Variants in IL22RA2 observed in about 807,000 individuals in gnomAD.
IL22RA2 encodes interleukin-22 receptor subunit alpha-2.
A neutral mutation model predicts 30.7 loss-of-function variants in IL22RA2; 39 were observed. The ratio of observed to expected loss-of-function variants is 1.27; its 90% CI spans 0.98 to 1.66. IL22RA2 has a LOEUF of 1.66. Ranked by LOEUF, IL22RA2 falls within the 40% of genes most tolerant of loss-of-function variation. The pLI is 0.00. For synonymous variants in IL22RA2, 103 were observed against 105.0 expected (o/e 0.98, Z 0.11); for missense variants, 315 against 312.7 (o/e 1.01, Z -0.05).
At chr6:137,158,212 C>A in intron 3 of IL22RA2, 135 bp downstream of exon 3, 1 of 1,017,688 alleles carries the variant, frequency 9.8e-7, no homozygotes, top group Non-Finnish European at 1.5e-6. Context: ...AGACAAGTCA[C>A]TGTTATCCTG....
At chr6:137,168,105 T>C (rs775618448) in intron 1 of IL22RA2, among the ~76,000 whole-genome samples, 2 of 152,186 alleles carry the variant, frequency 1.3e-5, no homozygotes, top group Non-Finnish European at 2.9e-5. Flanking sequence ...CACTTTCACC[T>C]ATGGTTATAA....
intron 1 of IL22RA2, among the ~76,000 whole-genome samples, chr6:137,169,604 G>A (rs577914958): frequency 6.6e-5 from 10 of 152,318 alleles, no homozygotes; most frequent in African/African-American, 2.4e-4. Context: ...GAAATAGGGG[G>A]CTGGAAAGAT....
chr6:137,169,461 G>A (rs1057000011), intron 1 of IL22RA2, among the ~76,000 whole-genome samples: 3 of 152,106 alleles, frequency 2.0e-5, no homozygotes, highest in African/African-American at 7.2e-5. Context: ...CATTCTTTTT[G>A]CTACTCCCCC....
At chr6:137,145,973 T>G (rs1778171274) in intron 6 of IL22RA2, among the ~76,000 whole-genome samples, 200 bp from the exon 7 acceptor site, 1 of 152,220 alleles carries the variant, frequency 6.6e-6, no homozygotes, top group Non-Finnish European at 1.5e-5. Flanking sequence ...TAGGTGCAAC[T>G]TGACTTCTCC....
chr6:137,165,004 G>C (rs1414127850), intron 1 of IL22RA2, among the ~76,000 whole-genome samples: 1 of 152,126 alleles, frequency 6.6e-6, no homozygotes, highest in Non-Finnish European at 1.5e-5. Flanking sequence ...GAGCACCGTA[G>C]AGTTATACAA....
intron 5 of IL22RA2, 24 bp from the exon 6 acceptor site, chr6:137,147,915 G>T: frequency 1.3e-6 from 2 of 1,586,284 alleles, no homozygotes; most frequent in South Asian, 2.2e-5. Flanking sequence ...ATAAAAATTT[G>T]ACAAATCATC....
intron 2 of IL22RA2, 109 bp downstream of exon 2, chr6:137,161,580 G>T: frequency 1.2e-6 from 1 of 827,060 alleles, no homozygotes; most frequent in Non-Finnish European, 2.0e-6. Flanking sequence ...GACATCAAAA[G>T]CTGCAGCCTT....
intron 1 of IL22RA2, among the ~76,000 whole-genome samples, chr6:137,163,738 C>T (rs916013639): frequency 3.9e-5 from 6 of 152,172 alleles, no homozygotes; most frequent in East Asian, 1.9e-4. Flanking sequence ...GAAACTCACA[C>T]CCTAATTGAC....
intron 5 of IL22RA2, among the ~76,000 whole-genome samples, chr6:137,148,710 T>A (rs1022058613): frequency 6.6e-6 from 1 of 152,196 alleles, no homozygotes; most frequent in Non-Finnish European, 1.5e-5. Flanking sequence ...AGTTTCCTAC[T>A]CCCAGGCTAT....
chr6:137,165,203 A>G (rs1778604135), intron 1 of IL22RA2, among the ~76,000 whole-genome samples: 1 of 152,192 alleles, frequency 6.6e-6, no homozygotes, highest in Non-Finnish European at 1.5e-5. Flanking sequence ...AAAGGCCACC[A>G]ATATCGGAAA....
intron 2 of IL22RA2, among the ~76,000 whole-genome samples, chr6:137,160,436 G>A (rs1426871690): frequency 2.6e-5 from 4 of 152,194 alleles, no homozygotes; most frequent in African/African-American, 9.7e-5. Context: ...GCAGCCAATG[G>A]TGAAGCTGAT....
At chr6:137,154,700 C>G (rs1220575024) in intron 5 of IL22RA2, among the ~76,000 whole-genome samples, 1 of 152,016 alleles carries the variant, frequency 6.6e-6, no homozygotes, top group South Asian at 2.1e-4. Flanking sequence ...AAATTTGAAC[C>G]CTGACTTGGA....
intron 1 of IL22RA2, among the ~76,000 whole-genome samples, chr6:137,165,181 C>T (rs1347781218): frequency 3.9e-5 from 6 of 152,072 alleles, no homozygotes; most frequent in African/African-American, 1.2e-4. Flanking sequence ...ATGGAATAAA[C>T]GCTGGAGAGA....
Position 137,145,674 on chromosome 6 carries a change from AC to A in IL22RA2, c.741del (p.Met247IlefsTer2), listed in dbSNP as rs1778163481. 2 of 1,613,378 alleles carry A rather than the reference AC, an allele frequency of 1.2e-6. No individual in the cohort carries two copies. Among genetic ancestry groups the A allele is most frequent in the African/African-American group, 1.3e-5 (1 of 74,936 alleles). On this transcript the variant is annotated frameshift_variant, in exon 7 of 7. Coordinates refer to ENST00000296980, the MANE Select transcript of IL22RA2 (RefSeq NM_052962.3). LOFTEE classifies it high-confidence loss of function. ...YCVVAEIYQP[M>X]LDRRSQRSEE... ...TCACTTCTCTGACTTCTTCTGTCTAACATGGGCTGATATATTTCAGCCACTA... is the reference window on the plus strand; with the variant it reads ...TCACTTCTCTGACTTCTTCTGTCTAAATGGGCTGATATATTTCAGCCACTA...
In IL22RA2 at chr6:137,145,767, T is replaced by G. The variant is rs766256085; in HGVS notation, c.649A>C (p.Lys217Gln). The G allele has an allele frequency of 1.2e-6, 2 of 1,613,770 alleles. No individual in the cohort carries two copies. Among genetic ancestry groups the G allele is most frequent in the African/African-American group, 1.3e-5 (1 of 74,908 alleles). Reference sequence around the variant, plus strand: ...GCTCTGTGAGCCCCTTCATAAACCTTTTGCTCCTACACACGAGAGAGAAAA... The same window carrying G: ...GCTCTGTGAGCCCCTTCATAAACCTGTTGCTCCTACACACGAGAGAGAAAA... ...IINNSLEKEQ[K>Q]VYEGAHRAVE... is the part of the protein sequence containing the mutation. Residue 217 changes from lysine (K) to glutamine (Q), a missense_variant, in exon 7 of 7, where the codon AAG becomes CAG. Transcript: ENST00000296980.
intron 2 of IL22RA2, among the ~76,000 whole-genome samples, chr6:137,160,708 G>A (rs1778504261): frequency 1.3e-5 from 2 of 152,142 alleles, no homozygotes; most frequent in South Asian, 4.1e-4. Flanking sequence ...ACCAAGTAAG[G>A]TAAATATTTT....
In IL22RA2 at chr6:137,144,092, C is replaced by G. The variant is rs992406232; in HGVS notation, c.*1532G>C. The G allele has an allele frequency of 7.2e-5, 11 of 152,340 alleles. No individual in the cohort carries two copies. The highest frequency in any genetic ancestry group is 1.5e-4 in the Non-Finnish European group (10 of 68,028). The allele number at this position is 152,340 out of a possible 1,614,324, so 9.4% of individuals were successfully genotyped here. A position where few individuals can be genotyped will look rare whatever the true frequency, so the allele number is the denominator to read the frequency against. ...TTTGAAATTTTACTTACTCGCCACC[C>G]ACCCCACTACTCTTAATTCATCGCC... On this transcript the variant is annotated 3_prime_UTR_variant, in exon 7 of 7. Transcript: ENST00000296980.
At position 137,152,142 on chromosome 6, in the gene IL22RA2, G is replaced by T. The variant is rs1240283366; in HGVS notation, c.472+2799C>A. On this transcript the variant is annotated intron_variant, in intron 5 of 6. Transcript: ENST00000296980. ...GTGGAAGGATTGCTGGAGCCCAGGG[G>T]TTCAAGACTGAAGTGAGCTATGTTT... Among the ~76,000 whole-genome samples, 3 of 151,962 alleles carry T rather than the reference G, an allele frequency of 2.0e-5. No homozygotes were observed. In the South Asian group the frequency reaches 6.2e-4, roughly 32 times the overall value.
intron 2 of IL22RA2, among the ~76,000 whole-genome samples, chr6:137,161,437 A>G (rs1241530972): frequency 1.3e-5 from 2 of 152,064 alleles, no homozygotes; most frequent in African/African-American, 4.8e-5. Context: ...AGAGAAATGG[A>G]TGTACATTTG....
Sources: allele counts gnomAD v4.1 joint callset (sites outside exome capture counted in the v4.1 genomes callset), GRCh38; gene constraint gnomAD v4.1.1; transcripts MANE v1.5; gene names NCBI Gene and HGNC (gene_info 2026-07-23, HGNC 2026-07-21).